The following ROBO1 variants were observed in gnomAD, a reference collection of about 807,000 sequenced individuals.
The protein encoded by ROBO1 is roundabout homolog 1.
Under a neutral mutation model 195.9 loss-of-function variants are expected in ROBO1, and 149 were observed. The ratio of observed to expected loss-of-function variants is 0.76; its 90% CI spans 0.67 to 0.87. The LOEUF (loss-of-function observed/expected upper bound fraction) is 0.87. ROBO1 is among the 40% of genes least tolerant of loss of function. The pLI is 0.00. For synonymous variants in ROBO1, 816 were observed against 733.2 expected, an observed-to-expected ratio of 1.11 and a Z score of -1.82; for missense variants, 1,933 against 2,068.3, an observed-to-expected ratio of 0.93 and a Z score of 1.27.
intron 3 of ROBO1, among the ~76,000 whole-genome samples, chr3:79,084,382 C>A (rs972672316): frequency 6.6e-6 from 1 of 152,100 alleles, no homozygotes; most frequent in Non-Finnish European, 1.5e-5. Flanking sequence ...CCTGTAATCC[C>A]CGCTACTCAG....
intron 2 of ROBO1, among the ~76,000 whole-genome samples, chr3:79,579,931 C>G (rs1432769263): frequency 6.6e-6 from 1 of 152,048 alleles, no homozygotes; most frequent in African/African-American, 2.4e-5. Context: ...CATTCCAGTT[C>G]ATTGTATTAG....
At chr3:79,214,045 C>T (rs1470953465) in intron 2 of ROBO1, among the ~76,000 whole-genome samples, 1 of 151,724 alleles carries the variant, frequency 6.6e-6, no homozygotes, top group African/African-American at 2.4e-5. Context: ...TGGCTGGTCT[C>T]GAATTCCTGA....
At chr3:79,532,095 A>G (rs1941684962) in intron 2 of ROBO1, among the ~76,000 whole-genome samples, 1 of 152,170 alleles carries the variant, frequency 6.6e-6, no homozygotes, top group Non-Finnish European at 1.5e-5. Flanking sequence ...GAGCAAAGGT[A>G]AGGCGATGAT....
intron 2 of ROBO1, among the ~76,000 whole-genome samples, chr3:79,521,466 C>T (rs1290930819): frequency 6.6e-6 from 1 of 152,124 alleles, no homozygotes. Flanking sequence ...CTTCAAAAAT[C>T]ACTGGTTACT....
intron 5 of ROBO1, among the ~76,000 whole-genome samples, chr3:78,729,073 G>A (rs755727217): frequency 6.6e-6 from 1 of 152,168 alleles, no homozygotes; most frequent in Non-Finnish European, 1.5e-5. Flanking sequence ...ACACAGGCCT[G>A]GGAGAGTCCC....
chr3:79,667,972 G>A (rs1946521478), intron 1 of ROBO1, among the ~76,000 whole-genome samples: 1 of 151,690 alleles, frequency 6.6e-6, no homozygotes, highest in African/African-American at 2.4e-5. Flanking sequence ...CTGCCTTTTA[G>A]TCCTTGTAGC....
At chr3:79,494,718 G>A (rs989922166) in intron 2 of ROBO1, among the ~76,000 whole-genome samples, 5 of 152,082 alleles carry the variant, frequency 3.3e-5, no homozygotes, top group African/African-American at 1.2e-4. Context: ...CACAAAAAAA[G>A]TGTACAAAAT....
intron 2 of ROBO1, among the ~76,000 whole-genome samples, chr3:79,485,485 T>C (rs181647781): frequency 4.6e-4 from 70 of 152,308 alleles, no homozygotes; most frequent in Non-Finnish European, 1.5e-5. Context: ...TATTTTCAAG[T>C]TTGAAAATGG....
intron 4 of ROBO1, among the ~76,000 whole-genome samples, chr3:78,854,129 A>G (rs2034250251): frequency 6.6e-6 from 1 of 151,884 alleles, no homozygotes; most frequent in South Asian, 2.1e-4. Context: ...AGACGGCAAT[A>G]TCCACTCTTC....
chr3:79,571,396 C>T (rs1345564983), intron 2 of ROBO1, among the ~76,000 whole-genome samples: 3 of 151,798 alleles, frequency 2.0e-5, no homozygotes, highest in African/African-American at 4.8e-5. Flanking sequence ...TCTTCAATAG[C>T]GTATATGGGA....
rs183588416 is a variant in ROBO1, at chr3:79,722,759, G to A, written c.-51+44993C>T. 4.0e-3 allele frequency among the ~76,000 whole-genome samples: 606 copies of A among 152,248 alleles called. 3 individuals are homozygous for A. The highest frequency in any genetic ancestry group is 0.027 in the South Asian group (130 of 4,826). On this transcript the variant is annotated intron_variant, in intron 1 of 30. Coordinates refer to ENST00000464233, the MANE Select transcript of ROBO1 (RefSeq NM_002941.4). Reference sequence around the variant, plus strand: ...TTGTATCTCCACTGTCATTGTCACAGAAGTGTTTTGATGGCTTATATATAC... The same window carrying A: ...TTGTATCTCCACTGTCATTGTCACAAAAGTGTTTTGATGGCTTATATATAC...
chr3:78,963,133 G>T (rs1486977794), intron 3 of ROBO1, among the ~76,000 whole-genome samples: 5 of 151,690 alleles, frequency 3.3e-5, no homozygotes, highest in Non-Finnish European at 5.9e-5. Flanking sequence ...CTGATGATAG[G>T]AGGGTGGGTA....
At chr3:79,729,483 A>AG (rs1703058209) in intron 1 of ROBO1, among the ~76,000 whole-genome samples, 1 of 152,324 alleles carries the variant, frequency 6.6e-6, no homozygotes. Context: ...AATCTCACTT[A>AG]GAAAAAAAAG....
At chr3:79,053,055 G>A (rs1165205634) in intron 3 of ROBO1, among the ~76,000 whole-genome samples, 1 of 152,082 alleles carries the variant, frequency 6.6e-6, no homozygotes, top group Non-Finnish European at 1.5e-5. Context: ...AACCTTAGAT[G>A]TAGAACTATG....
chr3:78,610,764 A>G (rs1254506855), intron 28 of ROBO1, among the ~76,000 whole-genome samples: 1 of 152,186 alleles, frequency 6.6e-6, no homozygotes, highest in Non-Finnish European at 1.5e-5. Context: ...AAGAATTCTA[A>G]CTTCCTATAT....
intron 1 of ROBO1, among the ~76,000 whole-genome samples, chr3:79,681,750 C>A (rs2106980167): frequency 6.6e-6 from 1 of 151,936 alleles, no homozygotes; most frequent in African/African-American, 2.4e-5. Flanking sequence ...CCCCTTGGCT[C>A]TTTCAAATAC....
At chr3:79,455,951 A>G (rs1039381767) in intron 2 of ROBO1, among the ~76,000 whole-genome samples, 4 of 152,048 alleles carry the variant, frequency 2.6e-5, no homozygotes, top group African/African-American at 4.8e-5. Flanking sequence ...GTAGCTCTAC[A>G]TTTACCTTTC....
intron 4 of ROBO1, among the ~76,000 whole-genome samples, chr3:78,904,022 A>G (rs899798573): frequency 6.6e-6 from 1 of 152,060 alleles, no homozygotes; most frequent in African/African-American, 2.4e-5. Context: ...GTGGCTCTTT[A>G]TGAAGCATTT....
intron 4 of ROBO1, among the ~76,000 whole-genome samples, chr3:78,781,055 C>T (rs2083661959): frequency 6.6e-6 from 1 of 152,128 alleles, no homozygotes; most frequent in Non-Finnish European, 1.5e-5. Flanking sequence ...CACTTGGATA[C>T]CTCATATAGT....
Sources: gnomAD v4.1 joint callset for allele counts (sites outside exome capture counted in the v4.1 genomes callset) on GRCh38, gnomAD v4.1.1 for gene constraint, MANE v1.5 for transcripts, NCBI Gene and HGNC (gene_info 2026-07-23, HGNC 2026-07-21) for gene names.